Variants in PCDHGB1 observed in about 807,000 individuals in gnomAD.
PCDHGB1 encodes the protein protocadherin gamma-B1.
In PCDHGB1, 34 loss-of-function variants were observed where a neutral mutation model predicts 56.6. The ratio of observed to expected loss-of-function variants is 0.60; its 90% CI spans 0.46 to 0.80. PCDHGB1 has a LOEUF of 0.80. Among genes scored for constraint, PCDHGB1 ranks in the 30% least tolerant of loss-of-function variants. The pLI, the probability that PCDHGB1 is intolerant of heterozygous loss-of-function variation, is 0.00. For synonymous variants in PCDHGB1, 561 were observed against 505.9 expected (o/e 1.11, Z -1.46); for missense variants, 1,278 against 1,204.6 (o/e 1.06, Z -0.90).
At chr5:141,366,301 C>G (rs769756883) in intron 1 of PCDHGB1, 1 of 1,613,784 alleles carries the variant, frequency 6.2e-7, no homozygotes, top group Non-Finnish European at 8.5e-7. Flanking sequence ...TGTCAGCCAC[C>G]TTCACGGTCA....
intron 1 of PCDHGB1, chr5:141,388,958 C>T (rs767426744): frequency 7.4e-6 from 12 of 1,613,930 alleles, no homozygotes; most frequent in East Asian, 2.2e-5. Context: ...TGGAGGACGC[C>T]GAGCTGGGAA....
intron 1 of PCDHGB1, chr5:141,364,635 G>A (rs1211803490): frequency 2.5e-6 from 4 of 1,614,038 alleles, no homozygotes; most frequent in African/African-American, 1.3e-5. Context: ...AGCCCACTGT[G>A]TGTGGTGAAC....
chr5:141,365,788 A>T, intron 1 of PCDHGB1: 1 of 1,613,878 alleles, frequency 6.2e-7, no homozygotes, highest in South Asian at 1.1e-5. Flanking sequence ...ACAACGCTCG[A>T]GTCACCTACT....
Position 141,489,407 on chromosome 5 carries a change from T to C in PCDHGB1, c.2410-5400T>C. On this transcript the variant is annotated intron_variant, in intron 1 of 3. Transcript: ENST00000523390. This position sits in a 1 kb window ranked among gnomAD's most constrained non-coding sequence, Gnocchi z 4.5. ...GTTGCTCAGGATCTGGGCTTAAAGA[T>C]GACAGATCTGTTGAGCCGGCGGCTG... 6.2e-7 allele frequency: 1 copy of C among 1,614,140 alleles called. No individual in the cohort carries two copies.
intron 1 of PCDHGB1, chr5:141,361,234 G>A (rs575415323): frequency 1.2e-6 from 2 of 1,613,954 alleles, no homozygotes; most frequent in South Asian, 2.2e-5. Flanking sequence ...AACAGTGATC[G>A]CCTTGATAAA....
Position 141,486,775 on chromosome 5 carries a change from G to A in PCDHGB1, c.2410-8032G>A, listed in dbSNP as rs2099634725. On this transcript the variant is annotated intron_variant, in intron 1 of 3. Coordinates refer to ENST00000523390, the MANE Select transcript of PCDHGB1 (RefSeq NM_018922.3). This position sits in a 1 kb window ranked among gnomAD's most constrained non-coding sequence, Gnocchi z 5.0. ...AGCAAACCCAGACACTGCAGTTTGA[G>A]GTGCAGGCCCGGGATCGGGGCAACC... 7 of 1,614,122 alleles carry A rather than the reference G, an allele frequency of 4.3e-6. No individual in the cohort carries two copies. Among genetic ancestry groups the A allele is most frequent in the Non-Finnish European group, 5.9e-6 (7 of 1,180,060 alleles).
At chr5:141,382,896 G>C (rs754850386) in intron 1 of PCDHGB1, 13 of 1,537,678 alleles carry the variant, frequency 8.5e-6, no homozygotes, top group Non-Finnish European at 1.1e-5. Context: ...GAAGCAGGAC[G>C]ACTATGGCGG....
intron 1 of PCDHGB1, chr5:141,384,978 G>C (rs1394445835): frequency 6.2e-7 from 1 of 1,614,032 alleles, no homozygotes; most frequent in Non-Finnish European, 8.5e-7. Context: ...CGTTGTACCT[G>C]GTGGTGGCGG....
At chr5:141,409,626 G>A (rs776642148) in intron 1 of PCDHGB1, 13 of 1,613,760 alleles carry the variant, frequency 8.1e-6, no homozygotes, top group Non-Finnish European at 5.1e-6. Flanking sequence ...GCGCAAGTGA[G>A]CGCCTCTGAC....
chr5:141,401,370 G>A (rs1226150761), intron 1 of PCDHGB1, among the ~76,000 whole-genome samples: 1 of 152,028 alleles, frequency 6.6e-6, no homozygotes, highest in Non-Finnish European at 1.5e-5. Flanking sequence ...AGGAGAGGAA[G>A]AAGAAGAAAA....
chr5:141,387,764 AT>A, intron 1 of PCDHGB1: 1 of 1,430,464 alleles, frequency 7.0e-7, no homozygotes, highest in East Asian at 2.5e-5. Context: ...AAAAAGAAGA[AT>A]TTTTTCTTGA....
intron 1 of PCDHGB1, among the ~76,000 whole-genome samples, chr5:141,434,129 G>T (rs1242855904): frequency 6.6e-6 from 1 of 152,092 alleles, no homozygotes; most frequent in East Asian, 1.9e-4. Flanking sequence ...CTCCCTTTAG[G>T]CTGATTTCTA....
Position 141,431,442 on chromosome 5 carries a change from T to G in PCDHGB1, c.2410-63365T>G. 6.2e-7 allele frequency: 1 copy of G among 1,613,746 alleles called. No individual in the cohort carries two copies. The highest frequency in any genetic ancestry group is 1.7e-5 in the Admixed American group (1 of 60,014). The stretch of plus-strand genomic sequence containing the variant: ...CCGGTGCGCACAGGCACCGCGCGCA[T>G]CCGCGTGATGGTTCTGGATGCGAAC... On this transcript the variant is annotated intron_variant, in intron 1 of 3. Coordinates refer to ENST00000523390, the MANE Select transcript of PCDHGB1 (RefSeq NM_018922.3). This position sits in a 1 kb window ranked among gnomAD's most constrained non-coding sequence, Gnocchi z 4.8.
intron 1 of PCDHGB1, chr5:141,365,016 G>T: frequency 5.0e-6 from 8 of 1,613,880 alleles, no homozygotes; most frequent in Non-Finnish European, 6.8e-6. Context: ...ACGCACATCC[G>T]TGTTACGGTC....
intron 1 of PCDHGB1, chr5:141,404,321 T>C (rs764642673): frequency 1.2e-6 from 2 of 1,613,882 alleles, no homozygotes; most frequent in East Asian, 2.2e-5. Flanking sequence ...TCAAGCCTCC[T>C]ACTCAGTCTA....
chr5:141,476,180 C>T lies in PCDHGB1; in HGVS notation c.2410-18627C>T. The T allele has an allele frequency of 1.2e-6, 2 of 1,613,664 alleles. No individual in the cohort carries two copies. Among genetic ancestry groups the T allele is most frequent in the East Asian group, 4.5e-5 (2 of 44,838 alleles). On this transcript the variant is annotated intron_variant, in intron 1 of 3. Transcript: ENST00000523390. The surrounding 1 kb of genome is among the most constrained non-coding windows in gnomAD (Gnocchi z 7.6). ...CGGGAGGGTAGTGGGAGTTTTGCTT[C>T]TGCTTGGTGCCTTGAACAAGGCTTC...
Position 141,398,941 on chromosome 5 carries a change from G to A in PCDHGB1, c.2409+46272G>A. 4.3e-6 allele frequency: 7 copies of A among 1,613,890 alleles called. No homozygotes were observed. The highest frequency in any genetic ancestry group is 5.9e-6 in the Non-Finnish European group (7 of 1,179,892). ...AGTGTCAGCCACTGACCAAGACGAG[G>A]GCATCAACTCAGAAATTACTTATTC... is the stretch of plus-strand genomic sequence containing the variant. On this transcript the variant is annotated intron_variant, in intron 1 of 3. Transcript: ENST00000523390.
At position 141,399,350 on chromosome 5, in the gene PCDHGB1, G is replaced by A. The variant is rs746925566; in HGVS notation, c.2409+46681G>A. On this transcript the variant is annotated intron_variant, in intron 1 of 3. Transcript: ENST00000523390. ...TTGGTAACAGATGGAACCCTAGACC[G>A]AGAGCAAACCCCGGAGTACAATGTC... is the stretch of plus-strand genomic sequence containing the variant. The A allele has an allele frequency of 6.8e-6, 11 of 1,613,966 alleles. No individual in the cohort carries two copies. The South Asian group carries it at 1.1e-4, about 16-fold the overall frequency.
rs766460257 is a variant in PCDHGB1, at chr5:141,398,407, G to A, written c.2409+45738G>A. 4.0e-5 allele frequency: 59 copies of A among 1,474,004 alleles called. No homozygotes were observed. The Middle Eastern group carries it at 1.0e-3, about 26-fold the overall frequency. 91.3% of individuals were successfully genotyped at this position (1,474,004 alleles called of 1,614,324 possible). A position where few individuals can be genotyped will look rare whatever the true frequency, so the allele number is the denominator to read the frequency against. On this transcript the variant is annotated intron_variant, in intron 1 of 3. Transcript: ENST00000523390. ...TGTGAGCAGCAGGCTAGACAGGGAG[G>A]AGATATGCGGGAAGAAGCCAGCTTG...
Sources: gnomAD v4.1 joint callset for allele counts (sites outside exome capture counted in the v4.1 genomes callset) on GRCh38, gnomAD v4.1.1 for gene constraint, Gnocchi (gnomAD v3.1) non-coding constraint, MANE v1.5 for transcripts, NCBI Gene and HGNC (gene_info 2026-07-23, HGNC 2026-07-21) for gene names.